ACTN4: variants seen among roughly 807,000 people sequenced by gnomAD.
ACTN4 encodes the protein alpha-actinin-4.
In ACTN4, 18 loss-of-function variants were observed where a neutral mutation model predicts 114.2. That is an observed-to-expected ratio of 0.16 (90% CI 0.11 to 0.23). ACTN4 has a LOEUF of 0.23. ACTN4 is among the 10% of genes least tolerant of loss of function. The pLI, the probability that ACTN4 is intolerant of heterozygous loss-of-function variation, is 1.00. For missense variants in ACTN4, 722 were observed against 1,262.9 expected (o/e 0.57, Z 6.49); for synonymous variants, 515 against 506.3 (o/e 1.02, Z -0.23).
Position 38,679,859 on chromosome 19 carries a change from GA to G in ACTN4, c.163-20734del, listed in dbSNP as rs11403419. On this transcript the variant is annotated intron_variant, in intron 1 of 20. Coordinates refer to ENST00000252699, the MANE Select transcript of ACTN4 (RefSeq NM_004924.6). The stretch of plus-strand genomic sequence containing the variant: ...TTTAATGCTTCTGACCATGTCTTAA[GA>G]AAAAAACAAAAACTCCCTTTGGCTT... 1.1e-4 allele frequency among the ~76,000 whole-genome samples: 17 copies of G among 152,008 alleles called. No homozygotes were observed. The East Asian group carries it at 2.1e-3, about 19-fold the overall frequency.
intron 1 of ACTN4, among the ~76,000 whole-genome samples, chr19:38,673,099 T>C (rs1259569440): frequency 6.6e-6 from 1 of 151,660 alleles, no homozygotes; most frequent in Non-Finnish European, 1.5e-5. Context: ...TGCACCACCA[T>C]GCCTGGCCAG....
At position 38,729,519 on chromosome 19, in the gene ACTN4, A is replaced by G; in HGVS notation, c.*87A>G. On this transcript the variant is annotated 3_prime_UTR_variant, in exon 21 of 21. Coordinates refer to ENST00000252699, the MANE Select transcript of ACTN4 (RefSeq NM_004924.6). The stretch of plus-strand genomic sequence containing the variant: ...AGTCCCATTCCTCCACTCTGTATCT[A>G]TGCAAAGCACTCTCTGCAGTCCTCC... 2.4e-6 allele frequency: 2 copies of G among 849,300 alleles called. No individual in the cohort carries two copies. The highest frequency in any genetic ancestry group is 3.4e-6 in the Non-Finnish European group (2 of 591,946). 52.6% of individuals were successfully genotyped at this position (849,300 alleles called of 1,614,324 possible).
intron 1 of ACTN4, among the ~76,000 whole-genome samples, chr19:38,679,890 G>GACATC (rs1967501810): frequency 6.6e-6 from 1 of 152,096 alleles, no homozygotes; most frequent in South Asian, 2.1e-4. Context: ...TGGCTTCCTT[G>GACATC]ACATCACAGT....
chr19:38,711,126 C>T (rs914038159), intron 8 of ACTN4: 8 of 189,596 alleles, frequency 4.2e-5, no homozygotes, highest in Non-Finnish European at 7.8e-5. Context: ...CACAAAACCC[C>T]GCAAGGCATG....
rs1358076144 is a variant in ACTN4, at chr19:38,730,158, AAAACTAT to A, written c.*730_*736del. On this transcript the variant is annotated 3_prime_UTR_variant, in exon 21 of 21. Coordinates refer to ENST00000252699, the MANE Select transcript of ACTN4 (RefSeq NM_004924.6). Reference sequence around the variant, plus strand: ...AAAAAAAAAAAATCACAAAAACAAAAAAACTATAAAAAAGAAAGAATTAAAAACTTTC... The same window carrying A: ...AAAAAAAAAAAATCACAAAAACAAAAAAAAAAGAAAGAATTAAAAACTTTC... The A allele has an allele frequency of 6.4e-6, 1 of 155,492 alleles. No homozygotes were observed. The highest frequency in any genetic ancestry group is 2.4e-5 in the African/African-American group (1 of 41,082). The allele number at this position is 155,492 out of a possible 1,614,324, so 9.6% of individuals were successfully genotyped here. A position where few individuals can be genotyped will look rare whatever the true frequency, so the allele number is the denominator to read the frequency against.
chr19:38,680,605 C>A (rs78676119), intron 1 of ACTN4, among the ~76,000 whole-genome samples: 1 of 152,150 alleles, frequency 6.6e-6, no homozygotes, highest in African/African-American at 2.4e-5. Flanking sequence ...TCAGTCTCAG[C>A]GTGTCTGAGA....
chr19:38,650,523 G>T (rs1351559836), intron 1 of ACTN4, among the ~76,000 whole-genome samples: 2 of 152,212 alleles, frequency 1.3e-5, no homozygotes, highest in Non-Finnish European at 2.9e-5. Flanking sequence ...GCCAGAGCCA[G>T]ATTCTAGTAC....
chr19:38,663,225 A>G (rs934541959), intron 1 of ACTN4, among the ~76,000 whole-genome samples: 2 of 152,136 alleles, frequency 1.3e-5, no homozygotes, highest in African/African-American at 2.4e-5. Flanking sequence ...TTTATAGCCA[A>G]CCGGCTTCTT....
At position 38,673,496 on chromosome 19, in the gene ACTN4, T is replaced by TATA. The variant is rs1568689432; in HGVS notation, c.162+25589_162+25590insATA. The stretch of plus-strand genomic sequence containing the variant: ...ATATTTATATATATATTCATATATA[T>TATA]TTATATATATGAATATATATTTATA... On this transcript the variant is annotated intron_variant, in intron 1 of 20. Transcript: ENST00000252699. Among the ~76,000 whole-genome samples the TATA allele has an allele frequency of 1.7e-4, 19 of 114,244 alleles. 3 individuals carry two copies. The highest frequency in any genetic ancestry group is 1.2e-3 in the East Asian group (5 of 4,210). 74.9% of individuals were successfully genotyped at this position (114,244 alleles called of 152,430 possible).
chr19:38,675,660 T>C lies in ACTN4; in HGVS notation c.163-24940T>C, dbSNP rs373014468. On this transcript the variant is annotated intron_variant, in intron 1 of 20. Coordinates refer to ENST00000252699, the MANE Select transcript of ACTN4 (RefSeq NM_004924.6). ...CCTATCAGGCTCAAGTCCATGTTGCTATCATGTGCACTTTGGCTGGTGAGG... is the reference window on the plus strand; with the variant it reads ...CCTATCAGGCTCAAGTCCATGTTGCCATCATGTGCACTTTGGCTGGTGAGG... Among the ~76,000 whole-genome samples the C allele has an allele frequency of 3.3e-4, 50 of 152,380 alleles. No homozygotes were observed. The South Asian group carries it at 6.2e-3, about 19-fold the overall frequency.
Position 38,647,716 on chromosome 19 carries a change from C to G in ACTN4, c.-30C>G, listed in dbSNP as rs939247264. On this transcript the variant is annotated 5_prime_UTR_variant, in exon 1 of 21. Coordinates refer to ENST00000252699, the MANE Select transcript of ACTN4 (RefSeq NM_004924.6). The stretch of plus-strand genomic sequence containing the variant: ...GGGCGGGAGCTGAGGCGGGAGCGGA[C>G]AGGCTGGTGGGCGAGCGAGAGGCGG... 1.3e-6 allele frequency: 2 copies of G among 1,526,698 alleles called. No homozygotes were observed. The highest frequency in any genetic ancestry group is 2.0e-5 in the Admixed American group (1 of 49,378). 94.6% of individuals were successfully genotyped at this position (1,526,698 alleles called of 1,614,324 possible). A position where few individuals can be genotyped will look rare whatever the true frequency, so the allele number is the denominator to read the frequency against.
chr19:38,681,651 C>T lies in ACTN4; in HGVS notation c.163-18949C>T, dbSNP rs56927269. On this transcript the variant is annotated intron_variant, in intron 1 of 20. Transcript: ENST00000252699. Reference sequence around the variant, plus strand: ...CCTGACCTTTGCTGTCCTCAGATCACACCTCCCTGTAGCGACTGGCTCGCC... The same window carrying T: ...CCTGACCTTTGCTGTCCTCAGATCATACCTCCCTGTAGCGACTGGCTCGCC... Among the ~76,000 whole-genome samples, 974 of 152,322 alleles carry T rather than the reference C, an allele frequency of 6.4e-3. 10 individuals carry two copies. Among genetic ancestry groups the T allele is most frequent in the African/African-American group, 0.019 (793 of 41,558 alleles).
rs911831032 is a variant in ACTN4, at chr19:38,727,573, C to T, written c.2338-373C>T. ...AGCCTCAGCTCTGCACCTGGCGCCCCCAGGACAGGATACAGTCCCCTCTGT... is the reference window on the plus strand; with the variant it reads ...AGCCTCAGCTCTGCACCTGGCGCCCTCAGGACAGGATACAGTCCCCTCTGT... On this transcript the variant is annotated intron_variant, in intron 18 of 20. Coordinates refer to ENST00000252699, the MANE Select transcript of ACTN4 (RefSeq NM_004924.6). This position sits in a 1 kb window ranked among gnomAD's most constrained non-coding sequence, Gnocchi z 5.4. 6.6e-6 allele frequency among the ~76,000 whole-genome samples: 1 copy of T among 151,922 alleles called. No homozygotes were observed. Among genetic ancestry groups the T allele is most frequent in the East Asian group, 1.9e-4 (1 of 5,152 alleles).
chr19:38,683,916 T>C (rs895604839), intron 1 of ACTN4: 14 of 152,310 alleles, frequency 9.2e-5, no homozygotes, highest in African/African-American at 3.4e-4. Context: ...GCTGCTGGAA[T>C]CTGCCAAGGA....
intron 1 of ACTN4, among the ~76,000 whole-genome samples, chr19:38,691,435 AC>A (rs1483248171): frequency 1.3e-5 from 2 of 149,528 alleles, no homozygotes; most frequent in African/African-American, 2.5e-5. Context: ...AAAAAAAAAA[AC>A]CCAACAACGC....
intron 1 of ACTN4, among the ~76,000 whole-genome samples, chr19:38,661,799 C>A (rs1037269959): frequency 6.6e-6 from 1 of 152,164 alleles, no homozygotes; most frequent in Admixed American, 6.5e-5. Context: ...ACTACAGGCG[C>A]CCGCCACCAT....
At position 38,679,647 on chromosome 19, in the gene ACTN4, A is replaced by G. The variant is rs558117553; in HGVS notation, c.163-20953A>G. ...CGCCCTGTCACCCAGGCTGGAGTAC[A>G]GTGGTGAGATCATAGCTCACTGCGG... On this transcript the variant is annotated intron_variant, in intron 1 of 20. Coordinates refer to ENST00000252699, the MANE Select transcript of ACTN4 (RefSeq NM_004924.6). Among the ~76,000 whole-genome samples the G allele has an allele frequency of 2.6e-5, 4 of 151,126 alleles. No individual in the cohort carries two copies. In the South Asian group the frequency reaches 8.4e-4, roughly 32 times the overall value.
intron 1 of ACTN4, among the ~76,000 whole-genome samples, chr19:38,664,636 T>G (rs933478844): frequency 7.9e-5 from 12 of 152,038 alleles, no homozygotes; most frequent in Non-Finnish European, 1.8e-4. Context: ...TGTTGCTGGA[T>G]TGAGCCCGTC....
Position 38,730,956 on chromosome 19 carries a change from C to G in ACTN4, c.*1524C>G. On this transcript the variant is annotated 3_prime_UTR_variant, in exon 21 of 21. Transcript: ENST00000252699. ...GCCTGAGCCACCCTGTCCCTCCCAC[C>G]TGGCTCACCTGTCTGTGGGTCAGGC... The G allele has an allele frequency of 6.4e-7, 1 of 1,550,612 alleles. No individual in the cohort carries two copies. The highest frequency in any genetic ancestry group is 8.7e-7 in the Non-Finnish European group (1 of 1,147,080).
Sources: allele counts gnomAD v4.1 joint callset (sites outside exome capture counted in the v4.1 genomes callset), GRCh38; gene constraint gnomAD v4.1.1; non-coding constraint Gnocchi (gnomAD v3.1); transcripts MANE v1.5; gene names NCBI Gene and HGNC (gene_info 2026-07-23, HGNC 2026-07-21).